The following UNC5D variants were observed in gnomAD, a reference collection of about 807,000 sequenced individuals.
UNC5D encodes the protein netrin receptor UNC5D.
In UNC5D, 39 loss-of-function variants were observed where a neutral mutation model predicts 105.4. The observed-to-expected ratio is 0.37, with a 90% CI of 0.29 to 0.48. The LOEUF (loss-of-function observed/expected upper bound fraction) is 0.48. Ranked by LOEUF, UNC5D falls within the 20% of genes least tolerant of loss-of-function variation. The probability of loss-of-function intolerance (pLI) is 0.98; values close to 1 mark genes in which losing one functional copy is unlikely to be tolerated. For missense variants in UNC5D, 991 were observed against 1,202.4 expected (o/e 0.82, Z 2.60); for synonymous variants, 452 against 450.4 (o/e 1.00, Z -0.04).
chr8:35,780,059 G>C (rs1246637809), intron 16 of UNC5D, among the ~76,000 whole-genome samples: 1 of 152,158 alleles, frequency 6.6e-6, no homozygotes, highest in Admixed American at 6.5e-5. Flanking sequence ...TGAGTAGAGG[G>C]GAGGCCGCCA....
chr8:35,293,687 T>G (rs1807248062), intron 1 of UNC5D, among the ~76,000 whole-genome samples: 1 of 152,222 alleles, frequency 6.6e-6, no homozygotes, highest in Admixed American at 6.5e-5. Flanking sequence ...CATAATTTTG[T>G]CCAACAGGAA....
chr8:35,534,584 A>G (rs1176150875), intron 1 of UNC5D, among the ~76,000 whole-genome samples: 1 of 151,594 alleles, frequency 6.6e-6, no homozygotes, highest in Admixed American at 6.6e-5. Flanking sequence ...TTACTTCAAG[A>G]TCAATTCAAA....
chr8:35,612,845 A>C (rs1820782575), intron 4 of UNC5D, among the ~76,000 whole-genome samples: 1 of 147,792 alleles, frequency 6.8e-6, no homozygotes, highest in Admixed American at 7.0e-5. Flanking sequence ...CATGTTTTCC[A>C]ATGTTTGGGG....
chr8:35,417,462 A>T (rs917034556), intron 1 of UNC5D, among the ~76,000 whole-genome samples: 7 of 150,256 alleles, frequency 4.7e-5, no homozygotes, highest in African/African-American at 1.0e-4. Context: ...TTTAAATAGG[A>T]TTGATGTGGC....
At chr8:35,686,772 A>C in intron 7 of UNC5D, 63 bp downstream of exon 7, 1 of 1,499,918 alleles carries the variant, frequency 6.7e-7, no homozygotes, top group Non-Finnish European at 8.9e-7. Context: ...ATCTCAAGAA[A>C]GTAAGCTACA....
rs570870426 is a variant in UNC5D, at chr8:35,634,522, A to G, written c.570+38865A>G. On this transcript the variant is annotated intron_variant, in intron 4 of 16. Transcript: ENST00000404895. The stretch of plus-strand genomic sequence containing the variant: ...TTGTGAATTCATTTCCTGGGCTGAC[A>G]GTGACCTAAATGGATCTATTTGATA... Among the ~76,000 whole-genome samples the G allele has an allele frequency of 1.8e-3, 274 of 152,260 alleles. 1 individual carries two copies. Among genetic ancestry groups the G allele is most frequent in the African/African-American group, 6.4e-3 (267 of 41,540 alleles).
chr8:35,657,080 G>GTA (rs3077002), intron 4 of UNC5D, among the ~76,000 whole-genome samples: 1,785 of 46,140 alleles, frequency 0.039, 82 homozygotes, highest in Non-Finnish European at 0.051. Context: ...GTGTGTGTGT[G>GTA]TATATATATA....
intron 1 of UNC5D, among the ~76,000 whole-genome samples, chr8:35,543,680 G>A (rs918571966): frequency 6.6e-6 from 1 of 152,062 alleles, no homozygotes; most frequent in African/African-American, 2.4e-5. Flanking sequence ...TGACTTTGGT[G>A]AGGATGTCTA....
intron 4 of UNC5D, among the ~76,000 whole-genome samples, chr8:35,674,200 A>G (rs540026304): frequency 1.1e-4 from 17 of 152,320 alleles, no homozygotes; most frequent in African/African-American, 3.8e-4. Context: ...AGTGATCATA[A>G]AAACCTAAAA....
At chr8:35,565,389 T>C (rs1216891683) in intron 2 of UNC5D, among the ~76,000 whole-genome samples, 2 of 152,172 alleles carry the variant, frequency 1.3e-5, no homozygotes, top group Non-Finnish European at 2.9e-5. Flanking sequence ...ATATCTTCTT[T>C]TGAAAACAAT....
At chr8:35,349,016 T>C (rs1189442964) in intron 1 of UNC5D, among the ~76,000 whole-genome samples, 1 of 151,986 alleles carries the variant, frequency 6.6e-6, no homozygotes, top group East Asian at 1.9e-4. Flanking sequence ...CATGACGTTA[T>C]TTAAAATTTT....
chr8:35,457,978 T>C (rs1193054655), intron 1 of UNC5D, among the ~76,000 whole-genome samples: 1 of 152,204 alleles, frequency 6.6e-6, no homozygotes, highest in South Asian at 2.1e-4. Flanking sequence ...CTCTTCAAAG[T>C]TGAGGTAAAG....
intron 4 of UNC5D, among the ~76,000 whole-genome samples, chr8:35,596,800 G>T (rs543734346): frequency 6.6e-6 from 1 of 152,206 alleles, no homozygotes; most frequent in Non-Finnish European, 1.5e-5. Flanking sequence ...GATGCGATCA[G>T]ATATGCATTT....
At chr8:35,705,892 A>G (rs1468443823) in intron 7 of UNC5D, 37 bp from the exon 8 acceptor site, 1 of 1,285,566 alleles carries the variant, frequency 7.8e-7, no homozygotes, top group East Asian at 2.5e-5. Context: ...TAAATTTATT[A>G]AATGCAACTT....
chr8:35,583,760 G>A (rs1172060603), intron 3 of UNC5D, among the ~76,000 whole-genome samples: 1 of 152,158 alleles, frequency 6.6e-6, no homozygotes, highest in African/African-American at 2.4e-5. Flanking sequence ...TTTTCCTGTT[G>A]AAGATTGTTA....
intron 1 of UNC5D, among the ~76,000 whole-genome samples, chr8:35,356,389 C>G (rs1801554263): frequency 6.6e-6 from 1 of 152,130 alleles, no homozygotes. Flanking sequence ...CTCTGGGCAT[C>G]CAACTGGGTA....
intron 1 of UNC5D, among the ~76,000 whole-genome samples, chr8:35,249,925 A>G (rs932807855): frequency 8.2e-5 from 12 of 146,948 alleles, no homozygotes; most frequent in African/African-American, 2.8e-4. Context: ...ACTGAAAGCC[A>G]TTTTTTTTTT....
chr8:35,454,702 A>G (rs558217057), intron 1 of UNC5D, among the ~76,000 whole-genome samples: 2 of 152,250 alleles, frequency 1.3e-5, no homozygotes, highest in African/African-American at 4.8e-5. Flanking sequence ...TTAAAATGGT[A>G]TATTTCTTTT....
intron 1 of UNC5D, among the ~76,000 whole-genome samples, chr8:35,261,719 T>C (rs1804511797): frequency 6.6e-6 from 1 of 152,068 alleles, no homozygotes. Context: ...AAGCAAAAAA[T>C]GGTTTTCAGG....
Sources: gnomAD v4.1 joint callset for allele counts (sites outside exome capture counted in the v4.1 genomes callset) on GRCh38, gnomAD v4.1.1 for gene constraint, MANE v1.5 for transcripts, NCBI Gene and HGNC (gene_info 2026-07-23, HGNC 2026-07-21) for gene names.